SLC8A1: variants seen among roughly 807,000 people sequenced by gnomAD.
The protein encoded by SLC8A1 is solute carrier family 8 member A1, also known as sodium/calcium exchanger 1.
SLC8A1 carries 18 observed loss-of-function variants against 68.3 expected under a neutral mutation model. The ratio of observed to expected loss-of-function variants is 0.26; its 90% CI spans 0.18 to 0.39. The LOEUF is 0.39. SLC8A1 is among the 10% of genes least tolerant of loss of function. The pLI is 1.00. For synonymous variants in SLC8A1, 475 were observed against 415.5 expected, an observed-to-expected ratio of 1.14 and a Z score of -1.74; for missense variants, 985 against 1,156.7, an observed-to-expected ratio of 0.85 and a Z score of 2.15.
At chr2:40,409,151 G>C (rs1448560477) in intron 2 of SLC8A1, among the ~76,000 whole-genome samples, 1 of 152,044 alleles carries the variant, frequency 6.6e-6, no homozygotes, top group Non-Finnish European at 1.5e-5. Context: ...CCTTTTCTCA[G>C]AACAAATTTC....
chr2:40,178,433 G>A (rs936299448), intron 2 of SLC8A1: 5 of 1,613,930 alleles, frequency 3.1e-6, no homozygotes, highest in Non-Finnish European at 4.2e-6. Context: ...CAATCTCAAG[G>A]AAGAAGGTCT....
At chr2:40,350,209 T>C (rs563377763) in intron 2 of SLC8A1, among the ~76,000 whole-genome samples, 53 of 152,296 alleles carry the variant, frequency 3.5e-4, no homozygotes, top group Middle Eastern at 3.4e-3. Flanking sequence ...CAGCTGGGTA[T>C]GGTGGCTCAT....
Position 40,117,564 on chromosome 2 carries a change from C to CA in SLC8A1, c.2438-1936dup, listed in dbSNP as rs1204933800. Among the ~76,000 whole-genome samples the CA allele has an allele frequency of 7.6e-3, 748 of 98,480 alleles. 5 individuals carry two copies. The highest frequency in any genetic ancestry group is 0.016 in the African/African-American group (425 of 26,226). 64.6% of individuals were successfully genotyped at this position (98,480 alleles called of 152,430 possible). ...TGGGCAACAGAGTGAGACTCCATCT[C>CA]AAAAAAAAAAAAAAAATCAAATAAA... On this transcript the variant is annotated intron_variant, in intron 7 of 7. Transcript: ENST00000406785.
intron 1 of SLC8A1, among the ~76,000 whole-genome samples, chr2:40,492,357 A>C (rs1205677403): frequency 3.3e-5 from 5 of 152,300 alleles, no homozygotes; most frequent in South Asian, 2.1e-4. Flanking sequence ...GATGGATTAA[A>C]GACTTAAATG....
At chr2:40,375,593 G>A (rs1417571051) in intron 2 of SLC8A1, among the ~76,000 whole-genome samples, 2 of 152,094 alleles carry the variant, frequency 1.3e-5, no homozygotes, top group African/African-American at 4.8e-5. Flanking sequence ...ATTAAGTAAA[G>A]TTGGCTAAGA....
intron 2 of SLC8A1, among the ~76,000 whole-genome samples, chr2:40,313,009 G>A (rs529663812): frequency 2.6e-5 from 4 of 151,826 alleles, no homozygotes; most frequent in East Asian, 1.9e-4. Flanking sequence ...CATATACTAC[G>A]TATATACACA....
intron 2 of SLC8A1, among the ~76,000 whole-genome samples, chr2:40,317,516 C>T (rs183303371): frequency 1.7e-3 from 259 of 152,128 alleles, no homozygotes; most frequent in African/African-American, 6.0e-3. Flanking sequence ...TAATTATAGG[C>T]TCACTTGGTC....
chr2:40,311,616 C>A (rs567433849), intron 2 of SLC8A1, among the ~76,000 whole-genome samples: 2 of 152,088 alleles, frequency 1.3e-5, no homozygotes, highest in African/African-American at 4.8e-5. Flanking sequence ...AAGAATATAT[C>A]TGGAAGGACA....
chr2:40,295,212 G>C (rs2070135856), intron 2 of SLC8A1, among the ~76,000 whole-genome samples: 1 of 151,960 alleles, frequency 6.6e-6, no homozygotes, highest in Non-Finnish European at 1.5e-5. Context: ...TGATCCTCCA[G>C]CCTCAGCCTC....
At chr2:40,186,307 C>T (rs140541745) in intron 2 of SLC8A1, among the ~76,000 whole-genome samples, 378 of 152,294 alleles carry the variant, frequency 2.5e-3, no homozygotes, top group Non-Finnish European at 4.0e-3. Flanking sequence ...AGATGATGAG[C>T]TTGCCATGGG....
intron 2 of SLC8A1, among the ~76,000 whole-genome samples, chr2:40,202,609 TCTCCCA>T (rs2054599735): frequency 6.6e-6 from 1 of 151,942 alleles, no homozygotes; most frequent in Non-Finnish European, 1.5e-5. Flanking sequence ...TAATAGCATT[TCTCCCA>T]CTCTTAAAAG....
intron 2 of SLC8A1, among the ~76,000 whole-genome samples, chr2:40,305,463 T>C (rs917816876): frequency 2.0e-5 from 3 of 152,142 alleles, no homozygotes; most frequent in Non-Finnish European, 2.9e-5. Flanking sequence ...ATCACCGGTA[T>C]AGGGAGGGAG....
chr2:40,416,501 C>T (rs1224879431), intron 2 of SLC8A1, among the ~76,000 whole-genome samples: 1 of 152,136 alleles, frequency 6.6e-6, no homozygotes, highest in Non-Finnish European at 1.5e-5. Context: ...TACTCTAAAT[C>T]TTATTCAGTG....
At chr2:40,228,606 G>C (rs1013828408) in intron 2 of SLC8A1, among the ~76,000 whole-genome samples, 1 of 152,164 alleles carries the variant, frequency 6.6e-6, no homozygotes, top group Admixed American at 6.5e-5. Flanking sequence ...AGACCCCCAG[G>C]TCTTCACTGT....
intron 2 of SLC8A1, among the ~76,000 whole-genome samples, chr2:40,341,960 T>C (rs1427287765): frequency 6.6e-6 from 1 of 152,130 alleles, no homozygotes; most frequent in Non-Finnish European, 1.5e-5. Context: ...GAGAAAGTAT[T>C]TAAAATCTTA....
intron 2 of SLC8A1, among the ~76,000 whole-genome samples, chr2:40,285,777 T>C (rs774764118): frequency 6.6e-6 from 1 of 152,174 alleles, no homozygotes; most frequent in Non-Finnish European, 1.5e-5. Context: ...AACAACAAAA[T>C]AATTAGTTAA....
intron 2 of SLC8A1, among the ~76,000 whole-genome samples, chr2:40,393,772 A>G (rs950776100): frequency 1.3e-5 from 2 of 152,172 alleles, no homozygotes; most frequent in Non-Finnish European, 2.9e-5. Flanking sequence ...TTTTATTTAT[A>G]TAACAGGATC....
At chr2:40,152,571 A>AT (rs70957149) in intron 6 of SLC8A1, among the ~76,000 whole-genome samples, 3,823 of 140,188 alleles carry the variant, frequency 0.027, 52 homozygotes, top group Admixed American at 0.034. Context: ...CGCCTAGCTA[A>AT]TTTTTTTTTT....
chr2:40,296,024 G>A (rs1038156623), intron 2 of SLC8A1, among the ~76,000 whole-genome samples: 7 of 152,134 alleles, frequency 4.6e-5, no homozygotes, highest in Non-Finnish European at 8.8e-5. Context: ...TGAGAATTGT[G>A]TTTATTGTCT....
Sources: allele counts gnomAD v4.1 joint callset (sites outside exome capture counted in the v4.1 genomes callset), GRCh38; gene constraint gnomAD v4.1.1; transcripts MANE v1.5; gene names NCBI Gene and HGNC (gene_info 2026-07-23, HGNC 2026-07-21).